Variants in AHNAK2 observed in about 807,000 individuals in gnomAD.
AHNAK2 encodes AHNAK nucleoprotein 2.
Under a neutral mutation model 30.7 loss-of-function variants are expected in AHNAK2, and 18 were observed. That is an observed-to-expected ratio of 0.59 (90% confidence interval 0.41 to 0.87). The LOEUF (loss-of-function observed/expected upper bound fraction) is 0.87, where lower values mean the gene tolerates loss of function less well. Among genes scored for constraint, AHNAK2 ranks in the 40% least tolerant of loss-of-function variants. The probability of loss-of-function intolerance (pLI) is 0.00; values close to 1 mark genes in which losing one functional copy is unlikely to be tolerated. For synonymous variants in AHNAK2, 3,590 were observed against 3,073.8 expected (o/e 1.17, Z -5.56); for missense variants, 8,604 against 7,373.0 (o/e 1.17, Z -6.11).
At chr14:104,967,806 C>A (rs1251381312) in intron 1 of AHNAK2, among the ~76,000 whole-genome samples, 1 of 152,190 alleles carries the variant, frequency 6.6e-6, no homozygotes, top group South Asian at 2.1e-4. Flanking sequence ...CGCAGCCAGG[C>A]TACCGGCCTC....
rs747366338 is a variant in AHNAK2 at position 104,943,375 on chromosome 14, C to G, written c.12076G>C (p.Glu4026Gln). The change falls in exon 7 of 7, where the codon GAG becomes CAG. Residue 4026 changes from glutamate (E) to glutamine (Q), a missense_variant. By Grantham distance (29) the Glu-to-Gln change is conservative. Transcript: ENST00000333244. Reference protein sequence around the residue: ...LSVQPPSADLEVQAGQVDVKL... With the variant: ...LSVQPPSADLQVQAGQVDVKL... ...ACGTCCACTTGGCCAGCCTGGACCT[C>G]CAGGTCAGCGGAAGGGGGCTGAACG... 17 of 1,612,510 alleles carry G rather than the reference C, an allele frequency of 1.1e-5. No individual in the cohort carries two copies. The highest frequency in any genetic ancestry group is 3.3e-5 in the South Asian group (3 of 91,010).
Position 104,949,632 on chromosome 14 carries a change from G to A in AHNAK2, c.5819C>T (p.Ala1940Val), listed in dbSNP as rs147961829. ...CTCGACATCGGGGGCTGTCACTTCC[G>A]CCTTGGGGCCTTTCAGGTCCAGCTT... ...GAKLDLKGPK[A>V]EVTAPDVEVS... Residue 1940 changes from alanine (A) to valine (V), a missense_variant, in exon 7 of 7, where the codon GCG (alanine) becomes GTG (valine). Physicochemically the swap from Ala to Val is moderately conservative, Grantham distance 64. Coordinates refer to ENST00000333244, the MANE Select transcript of AHNAK2 (RefSeq NM_138420.4). 5.3e-4 allele frequency: 847 copies of A among 1,587,954 alleles called. 32 individuals are homozygous for A. The East Asian group carries it at 0.017, about 32-fold the overall frequency.
In AHNAK2 at chr14:104,946,202, G is replaced by A. The variant is rs1566905505; in HGVS notation, c.9249C>T (p.Val3083=). 1.9e-6 allele frequency: 3 copies of A among 1,595,946 alleles called. No individual in the cohort carries two copies. Among genetic ancestry groups the A allele is most frequent in the East Asian group, 4.5e-5 (2 of 44,558 alleles). Residue 3083 remains valine (V), a synonymous_variant, in exon 7 of 7, where the codon GTC becomes GTT. Coordinates refer to ENST00000333244, the MANE Select transcript of AHNAK2 (RefSeq NM_138420.4). ...CTTTCAGGTCCAGCTTGGGGCCCTTGACATCTATCTGGGGTCCCTTGCGAT... is the reference window on the plus strand; with the variant it reads ...CTTTCAGGTCCAGCTTGGGGCCCTTAACATCTATCTGGGGTCCCTTGCGAT... ...KVDRKGPQID[V]KGPKLDLKGP...
chr14:104,972,871 G>A (rs922831698), intron 1 of AHNAK2, among the ~76,000 whole-genome samples: 7 of 152,204 alleles, frequency 4.6e-5, no homozygotes, highest in African/African-American at 1.4e-4. Flanking sequence ...CCCACAGCAC[G>A]GTGCAGACAC....
In AHNAK2 at chr14:104,943,768, T is replaced by A; in HGVS notation, c.11683A>T (p.Lys3895Ter). The A allele has an allele frequency of 6.2e-7, 1 of 1,612,838 alleles. No homozygotes were observed. Among genetic ancestry groups the A allele is most frequent in the Non-Finnish European group, 8.5e-7 (1 of 1,179,504 alleles). The change falls in exon 7 of 7, where the codon AAG becomes TAG. Residue 3895 changes from lysine to a stop codon, truncating the protein, a stop_gained. Coordinates refer to ENST00000333244, the MANE Select transcript of AHNAK2 (RefSeq NM_138420.4). LOFTEE classifies it low-confidence loss of function (END_TRUNC). Reference sequence around the variant, plus strand: ...CCCTTGAGGTCGACTTTGGGCATCTTGAAACTGGGCATCTGCACCTTGGGC... The same window carrying A: ...CCCTTGAGGTCGACTTTGGGCATCTAGAAACTGGGCATCTGCACCTTGGGC... Reference protein sequence around the residue: ...HLPKVQMPSFKMPKVDLKGPE... With the variant: ...HLPKVQMPSF
In AHNAK2 at chr14:104,966,764, A is replaced by G. The variant is rs1899314149; in HGVS notation, c.56-9092T>C. 6.6e-6 allele frequency among the ~76,000 whole-genome samples: 1 copy of G among 152,038 alleles called. No homozygotes were observed. Among genetic ancestry groups the G allele is most frequent in the South Asian group, 2.1e-4 (1 of 4,812 alleles). On this transcript the variant is annotated intron_variant, in intron 1 of 6. Transcript: ENST00000333244. The surrounding 1 kb of genome is among the most constrained non-coding windows in gnomAD (Gnocchi z 4.3). Reference sequence around the variant, plus strand: ...CTCCAGCCACACCAGACCCACAACAAATTCGTGGGACGGGGTGGTGCCAAG... The same window carrying G: ...CTCCAGCCACACCAGACCCACAACAGATTCGTGGGACGGGGTGGTGCCAAG...
rs771857505 is a variant in AHNAK2 at position 104,953,037 on chromosome 14, G to T, written c.2414C>A (p.Ala805Asp). 4.3e-6 allele frequency: 7 copies of T among 1,613,104 alleles called. No homozygotes were observed. The highest frequency in any genetic ancestry group is 5.9e-6 in the Non-Finnish European group (7 of 1,179,724). Residue 805 changes from alanine to aspartate, a missense_variant, in exon 7 of 7, where the codon GCC (alanine) becomes GAC (aspartate). Coordinates refer to ENST00000333244, the MANE Select transcript of AHNAK2 (RefSeq NM_138420.4). ...CGCACCATCCAGCTTTGCTCTCGGG[G>T]CCTGGACGTCCACCTCCATGCTGGA... is the stretch of plus-strand genomic sequence containing the variant. ...SLSSMEVDVQAPRAKLDGARL... is the reference protein window; with the variant it reads ...SLSSMEVDVQDPRAKLDGARL...
chr14:104,966,112 G>A lies in AHNAK2; in HGVS notation c.56-8440C>T, dbSNP rs1264603335. On this transcript the variant is annotated intron_variant, in intron 1 of 6. Coordinates refer to ENST00000333244, the MANE Select transcript of AHNAK2 (RefSeq NM_138420.4). The surrounding 1 kb of genome is among the most constrained non-coding windows in gnomAD (Gnocchi z 4.3). ...TCAGGCCTGGCAGGGCTGGAGGATG[G>A]TGTCTCCTGGAGGAGGTTCTCTCAA... Among the ~76,000 whole-genome samples, 2 of 152,158 alleles carry A rather than the reference G, an allele frequency of 1.3e-5. No homozygotes were observed. The highest frequency in any genetic ancestry group is 4.8e-5 in the African/African-American group (2 of 41,432).
chr14:104,944,318 C>T lies in AHNAK2; in HGVS notation c.11133G>A (p.Val3711=). 1.9e-6 allele frequency: 3 copies of T among 1,612,988 alleles called. No individual in the cohort carries two copies. Among genetic ancestry groups the T allele is most frequent in the Non-Finnish European group, 2.5e-6 (3 of 1,179,568 alleles). ...GCTCTTTGAGGCCGGCTCCCTCGGGCACCTGGCCCTCCGGGAGCTTCACAT... is the reference window on the plus strand; with the variant it reads ...GCTCTTTGAGGCCGGCTCCCTCGGGTACCTGGCCCTCCGGGAGCTTCACAT... ...QMDVKLPEGQ[V]PEGAGLKEHL... Residue 3711 remains valine (V), a synonymous_variant, in exon 7 of 7, where the codon GTG becomes GTA. Transcript: ENST00000333244.
chr14:104,973,905 G>A (rs1043199616), intron 1 of AHNAK2, among the ~76,000 whole-genome samples: 8 of 152,324 alleles, frequency 5.3e-5, no homozygotes, highest in East Asian at 3.9e-4. Flanking sequence ...AGGGGAGGGC[G>A]GTGGCTGCAA....
rs752387000 is a variant in AHNAK2, at chr14:104,949,391, G to A, written c.6060C>T (p.Ala2020=). 84 of 1,581,730 alleles carry A rather than the reference G, an allele frequency of 5.3e-5. 10 individuals carry two copies. The highest frequency in any genetic ancestry group is 4.1e-4 in the African/African-American group (30 of 73,164). ...CCTGCATGGAGGGGAGACTCACGTC[G>A]GCCTCCACCTTGGGTGCAGGCACAT... ...SVDVPAPKVE[A]DVSLPSMQGD... Residue 2020 remains alanine, a synonymous_variant, in exon 7 of 7, where the codon GCC becomes GCT. Coordinates refer to ENST00000333244, the MANE Select transcript of AHNAK2 (RefSeq NM_138420.4).
At chr14:104,959,736 T>C (rs1161361773) in intron 1 of AHNAK2, among the ~76,000 whole-genome samples, 1 of 152,212 alleles carries the variant, frequency 6.6e-6, no homozygotes, top group Non-Finnish European at 1.5e-5. Flanking sequence ...TTACAAGATA[T>C]ACTAAAGAAG....
rs1898138777 is a variant in AHNAK2 at position 104,944,253 on chromosome 14, T to A, written c.11198A>T (p.Lys3733Ile). Residue 3733 changes from lysine (K) to isoleucine (I), a missense_variant, in exon 7 of 7, where the codon AAA (lysine) becomes ATA (isoleucine). Transcript: ENST00000333244. ...KVEMPSLKMP[K>I]VDLKGPQVDI... ...CACCTGGGGGCCCTTGAGGTCCACTTTGGGCATCTTCAAACTGGGCATCTC... is the reference window on the plus strand; with the variant it reads ...CACCTGGGGGCCCTTGAGGTCCACTATGGGCATCTTCAAACTGGGCATCTC... The A allele has an allele frequency of 3.1e-6, 5 of 1,612,760 alleles. No individual in the cohort carries two copies. The highest frequency in any genetic ancestry group is 3.4e-6 in the Non-Finnish European group (4 of 1,179,496).
At chr14:104,960,585 A>C (rs1899108215) in intron 1 of AHNAK2, among the ~76,000 whole-genome samples, 3 of 152,118 alleles carry the variant, frequency 2.0e-5, no homozygotes, top group Admixed American at 2.0e-4. Context: ...TGTACCCTGG[A>C]CCAAAGTTTC....
Position 104,941,292 on chromosome 14 carries a change from CTATCTT to C in AHNAK2, c.14153_14158del (p.Lys4718_Asp4719del). ...GCTAGACTTTGCACCTGGGACTAAA[CTATCTT>C]TAGGAGTTTTGGTAGAAGAAAATGA... On this transcript the variant is annotated inframe_deletion, in exon 7 of 7. Coordinates refer to ENST00000333244, the MANE Select transcript of AHNAK2 (RefSeq NM_138420.4). The C allele has an allele frequency of 6.2e-7, 1 of 1,613,526 alleles. No homozygotes were observed. Among genetic ancestry groups the C allele is most frequent in the Non-Finnish European group, 8.5e-7 (1 of 1,179,816 alleles).
intron 1 of AHNAK2, among the ~76,000 whole-genome samples, chr14:104,963,837 AAAAG>A (rs1899224140): frequency 1.3e-5 from 2 of 151,396 alleles, no homozygotes; most frequent in East Asian, 1.9e-4. Context: ...CTAAAAAAAA[AAAAG>A]AAAAAAAAAA....
rs757390918 is a variant in AHNAK2, at chr14:104,941,789, G to C, written c.13662C>G (p.Phe4554Leu). ...GHLPKVEMPS[F>L]KMPKVDLKGP... ...CCTTGAGGTCCACTTTGGGCATCTT[G>C]AAACTGGGCATCTCCACCTTGGGCA... is the stretch of plus-strand genomic sequence containing the variant. The change falls in exon 7 of 7, where the codon TTC becomes TTG. Residue 4554 changes from phenylalanine to leucine, a missense_variant. Phe to Leu is a conservative substitution (Grantham distance 22). Transcript: ENST00000333244. 1.9e-6 allele frequency: 3 copies of C among 1,613,572 alleles called. No individual in the cohort carries two copies. In the South Asian group the frequency reaches 3.3e-5, roughly 18 times the overall value.
Position 104,937,839 on chromosome 14 carries a change from C to T in AHNAK2, c.*224G>A. Reference sequence around the variant, plus strand: ...TGGTGTCTTGTGGAAGTCAGGGTGCCTTCTTTGCATCCAAAGCTTTGAGGG... The same window carrying T: ...TGGTGTCTTGTGGAAGTCAGGGTGCTTTCTTTGCATCCAAAGCTTTGAGGG... On this transcript the variant is annotated 3_prime_UTR_variant, in exon 7 of 7. Coordinates refer to ENST00000333244, the MANE Select transcript of AHNAK2 (RefSeq NM_138420.4). The T allele has an allele frequency of 2.0e-6, 1 of 499,238 alleles. No individual in the cohort carries two copies. Among genetic ancestry groups the T allele is most frequent in the Non-Finnish European group, 3.4e-6 (1 of 290,976 alleles). The allele number at this position is 499,238 out of a possible 1,614,324, so 30.9% of individuals were successfully genotyped here.
intron 1 of AHNAK2, among the ~76,000 whole-genome samples, chr14:104,974,657 G>T (rs1899553037): frequency 6.6e-6 from 1 of 152,232 alleles, no homozygotes; most frequent in African/African-American, 2.4e-5. Context: ...CCTCTGCTGA[G>T]CTATGACCTC....
Sources: allele counts gnomAD v4.1 joint callset (sites outside exome capture counted in the v4.1 genomes callset), GRCh38; gene constraint gnomAD v4.1.1; non-coding constraint Gnocchi (gnomAD v3.1); transcripts MANE v1.5; gene names NCBI Gene and HGNC (gene_info 2026-07-23, HGNC 2026-07-21).